TMEM196: variants seen among roughly 807,000 people sequenced by gnomAD.
TMEM196 encodes the protein transmembrane protein 196.
TMEM196 carries 17 observed loss-of-function variants against 20.0 expected under a neutral mutation model. That is an observed-to-expected ratio of 0.85 (90% CI 0.58 to 1.27). The LOEUF (loss-of-function observed/expected upper bound fraction) is 1.27. TMEM196 is among the 50% of genes most tolerant of loss of function. The pLI, the probability that TMEM196 is intolerant of heterozygous loss-of-function variation, is 0.00. For synonymous variants in TMEM196, 113 were observed against 88.9 expected, an observed-to-expected ratio of 1.27 and a Z score of -1.52; for missense variants, 267 against 223.0, an observed-to-expected ratio of 1.20 and a Z score of -1.26.
At chr7:19,764,773 T>C (rs1156673837) in intron 1 of TMEM196, among the ~76,000 whole-genome samples, 1 of 152,178 alleles carries the variant, frequency 6.6e-6, no homozygotes, top group Non-Finnish European at 1.5e-5. Flanking sequence ...AAAATTCTGG[T>C]AACATGGAGG....
In TMEM196 at chr7:19,772,786, C is replaced by A. The variant is rs1051987565; in HGVS notation, c.-90G>T. On this transcript the variant is annotated 5_prime_UTR_variant, in exon 1 of 5. Transcript: ENST00000405844. Reference sequence around the variant, plus strand: ...ACTATCCTCCTTACCCCTTCCACCCCCTACCAGATCCCAAAACTTTTCTTT... The same window carrying A: ...ACTATCCTCCTTACCCCTTCCACCCACTACCAGATCCCAAAACTTTTCTTT... 1.6e-6 allele frequency: 2 copies of A among 1,223,696 alleles called. No individual in the cohort carries two copies. The highest frequency in any genetic ancestry group is 1.6e-5 in the African/African-American group (1 of 64,058). 75.8% of individuals were successfully genotyped at this position (1,223,696 alleles called of 1,614,324 possible).
At chr7:19,736,869 T>A (rs9886320) in intron 1 of TMEM196, among the ~76,000 whole-genome samples, 70,847 of 151,788 alleles carry the variant, frequency 0.47, 19,597 homozygotes, top group East Asian at 0.91. Context: ...TTTCACTCAG[T>A]GCCTTTCATC....
intron 1 of TMEM196, among the ~76,000 whole-genome samples, chr7:19,735,312 G>A (rs1348573824): frequency 1.3e-5 from 2 of 152,098 alleles, no homozygotes; most frequent in African/African-American, 2.4e-5. Flanking sequence ...TTCGAATAAA[G>A]TCAACAATAA....
intron 1 of TMEM196, among the ~76,000 whole-genome samples, chr7:19,744,559 G>C (rs999118563): frequency 1.3e-5 from 2 of 152,120 alleles, no homozygotes; most frequent in African/African-American, 4.8e-5. Context: ...TGGGTTTTGG[G>C]TTTTGGAGAA....
rs560343560 is a variant in TMEM196, at chr7:19,734,077, A to G, written c.148-4639T>C. ...AGCTGAAGGTGGGGCACTCACATCA[A>G]AAAAAATTTCCAGCACATAAGCACA... is the stretch of plus-strand genomic sequence containing the variant. On this transcript the variant is annotated intron_variant, in intron 1 of 4. Coordinates refer to ENST00000405844, the MANE Select transcript of TMEM196 (RefSeq NM_001363562.2). 2.6e-5 allele frequency among the ~76,000 whole-genome samples: 4 copies of G among 152,176 alleles called. No homozygotes were observed. The East Asian group carries it at 7.7e-4, about 29-fold the overall frequency.
At chr7:19,723,275 C>A (rs532328740) in intron 4 of TMEM196, among the ~76,000 whole-genome samples, 1 of 151,928 alleles carries the variant, frequency 6.6e-6, no homozygotes, top group Non-Finnish European at 1.5e-5. Context: ...CCCCCCACCC[C>A]CAATGATCTT....
chr7:19,722,611 T>C (rs1034349598), intron 4 of TMEM196, among the ~76,000 whole-genome samples: 2 of 152,124 alleles, frequency 1.3e-5, no homozygotes, highest in African/African-American at 2.4e-5. Flanking sequence ...TTTGTAACTA[T>C]GGATCACTAA....
intron 1 of TMEM196, among the ~76,000 whole-genome samples, chr7:19,763,687 G>T (rs1326563015): frequency 6.6e-6 from 1 of 152,090 alleles, no homozygotes; most frequent in Non-Finnish European, 1.5e-5. Flanking sequence ...AAATAAATAT[G>T]TCTATAAACG....
Position 19,753,866 on chromosome 7 carries a change from G to A in TMEM196, c.147+18684C>T, listed in dbSNP as rs548419132. ...AAGCTCTCATAGGCCTTGCCTCCAC[G>A]AGTTTGGAATATCTCTCCTCCTCTC... On this transcript the variant is annotated intron_variant, in intron 1 of 4. Coordinates refer to ENST00000405844, the MANE Select transcript of TMEM196 (RefSeq NM_001363562.2). 1.1e-4 allele frequency among the ~76,000 whole-genome samples: 16 copies of A among 152,236 alleles called. No individual in the cohort carries two copies. The South Asian group carries it at 2.7e-3, about 26-fold the overall frequency.
chr7:19,741,801 G>T (rs12113916), intron 1 of TMEM196, among the ~76,000 whole-genome samples: 25,285 of 152,016 alleles, frequency 0.17, 2,602 homozygotes, highest in East Asian at 0.44. Flanking sequence ...GACAGAAAAT[G>T]ATTTGCAAAA....
intron 1 of TMEM196, among the ~76,000 whole-genome samples, chr7:19,731,054 G>C (rs1039129755): frequency 2.6e-5 from 4 of 152,080 alleles, no homozygotes; most frequent in Non-Finnish European, 4.4e-5. Flanking sequence ...TAGAGGACTG[G>C]AAAGGATTTT....
chr7:19,753,493 G>A (rs944138145), intron 1 of TMEM196, among the ~76,000 whole-genome samples: 3 of 151,956 alleles, frequency 2.0e-5, no homozygotes, highest in Non-Finnish European at 2.9e-5. Flanking sequence ...TTTTAAAAGC[G>A]TGACTCCCAT....
intron 1 of TMEM196, among the ~76,000 whole-genome samples, chr7:19,769,713 TACA>T: frequency 6.6e-6 from 1 of 152,012 alleles, no homozygotes; most frequent in East Asian, 1.9e-4. Flanking sequence ...AAAAAAACAA[TACA>T]ACAACAATAA....
At chr7:19,740,523 A>C (rs1174056076) in intron 1 of TMEM196, among the ~76,000 whole-genome samples, 1 of 152,186 alleles carries the variant, frequency 6.6e-6, no homozygotes, top group Non-Finnish European at 1.5e-5. Flanking sequence ...CAAAATTATG[A>C]TGTAAATATT....
Position 19,773,544 on chromosome 7 carries a change from A to G in TMEM196, c.-848T>C, listed in dbSNP as rs1785977654. On this transcript the variant is annotated 5_prime_UTR_variant, in exon 1 of 5. Transcript: ENST00000405844. ...TCCGCCCCGCCCCCGGACCGCAGCA[A>G]CAGAAATCCAGGCGACCCCTACCTC... 7 of 169,640 alleles carry G rather than the reference A, an allele frequency of 4.1e-5. No individual in the cohort carries two copies. The Middle Eastern group carries it at 3.6e-3, about 88-fold the overall frequency. The allele number at this position is 169,640 out of a possible 1,614,324, so 10.5% of individuals were successfully genotyped here.
intron 1 of TMEM196, among the ~76,000 whole-genome samples, chr7:19,742,708 A>G (rs937883505): frequency 6.6e-6 from 1 of 152,140 alleles, no homozygotes; most frequent in Non-Finnish European, 1.5e-5. Flanking sequence ...TTTAGTCAGA[A>G]TAATCTGAGT....
chr7:19,755,349 G>A (rs1057048288), intron 1 of TMEM196, among the ~76,000 whole-genome samples: 13 of 152,092 alleles, frequency 8.5e-5, no homozygotes, highest in Admixed American at 3.9e-4. Flanking sequence ...AACATGAGAC[G>A]TGCACATACA....
intron 2 of TMEM196, among the ~76,000 whole-genome samples, chr7:19,727,571 T>G (rs1312847106): frequency 6.6e-6 from 1 of 152,172 alleles, no homozygotes; most frequent in African/African-American, 2.4e-5. Context: ...CTAGTAGAAT[T>G]AACCAATTAT....
At chr7:19,729,097 G>C (rs757752109) in intron 2 of TMEM196, among the ~76,000 whole-genome samples, 5 of 152,110 alleles carry the variant, frequency 3.3e-5, no homozygotes, top group Non-Finnish European at 5.9e-5. Context: ...CTCCAGATTG[G>C]AAAACTAGAG....
Sources: allele counts gnomAD v4.1 joint callset (sites outside exome capture counted in the v4.1 genomes callset), GRCh38; gene constraint gnomAD v4.1.1; transcripts MANE v1.5; gene names NCBI Gene and HGNC (gene_info 2026-07-23, HGNC 2026-07-21).